ELP4: variants seen among roughly 807,000 people sequenced by gnomAD.
ELP4 encodes elongator acetyltransferase complex subunit 4, also known as elongator complex protein 4.
In ELP4, 51 loss-of-function variants were observed where a neutral mutation model predicts 48.9. The observed-to-expected ratio is 1.04, with a 90% CI of 0.83 to 1.32. The LOEUF is 1.32. ELP4 is among the 40% of genes most tolerant of loss of function. The pLI is 0.00. For synonymous variants in ELP4, 210 were observed against 189.2 expected (o/e 1.11, Z -0.90); for missense variants, 519 against 514.6 (o/e 1.01, Z -0.08).
At chr11:31,654,397 G>T (rs1051927062) in intron 9 of ELP4, 34 of 151,738 alleles carry the variant, frequency 2.2e-4, no homozygotes, top group African/African-American at 8.0e-4. Flanking sequence ...ATCATACTTT[G>T]TCCCTAATTC....
intron 9 of ELP4, among the ~76,000 whole-genome samples, chr11:31,714,408 G>A (rs1442473574): frequency 6.6e-6 from 1 of 152,102 alleles, no homozygotes; most frequent in Non-Finnish European, 1.5e-5. Flanking sequence ...ACTCTGCAGT[G>A]ATGTTTACTA....
At chr11:31,648,194 A>C in intron 8 of ELP4, 1 of 164,814 alleles carries the variant, frequency 6.1e-6, no homozygotes, top group Non-Finnish European at 1.3e-5. Flanking sequence ...ACAGTTTTCT[A>C]TAGCAGTTTA....
At position 31,783,604 on chromosome 11, in the gene ELP4, T is replaced by C; in HGVS notation, c.*80T>C. ...CTAATAGCTTATGTAAATATTTTTC[T>C]TAACAATTTGACCCTCCACTCCTTG... On this transcript the variant is annotated 3_prime_UTR_variant, in exon 10 of 10. Transcript: ENST00000640961. 3 of 1,384,900 alleles carry C rather than the reference T, an allele frequency of 2.2e-6. No individual in the cohort carries two copies. The highest frequency in any genetic ancestry group is 2.0e-6 in the Non-Finnish European group (2 of 1,023,318). 85.8% of individuals were successfully genotyped at this position (1,384,900 alleles called of 1,614,324 possible). A position where few individuals can be genotyped will look rare whatever the true frequency, so the allele number is the denominator to read the frequency against.
At chr11:31,718,041 C>T (rs1946878240) in intron 9 of ELP4, among the ~76,000 whole-genome samples, 1 of 152,250 alleles carries the variant, frequency 6.6e-6, no homozygotes, top group East Asian at 1.9e-4. Flanking sequence ...AAGAGATCCA[C>T]CTGCCTCAGC....
chr11:31,740,147 T>A (rs2134217419), intron 9 of ELP4, among the ~76,000 whole-genome samples: 1 of 152,296 alleles, frequency 6.6e-6, no homozygotes, highest in South Asian at 2.1e-4. Flanking sequence ...AGGCCTAGAG[T>A]TCGTCAGATA....
intron 7 of ELP4, among the ~76,000 whole-genome samples, chr11:31,645,145 T>A (rs916453252): frequency 6.6e-6 from 1 of 151,758 alleles, no homozygotes; most frequent in African/African-American, 2.4e-5. Flanking sequence ...TTCAATAGAC[T>A]CTTGTTTATA....
At chr11:31,581,464 A>G (rs1000615136) in intron 3 of ELP4, among the ~76,000 whole-genome samples, 3 of 152,188 alleles carry the variant, frequency 2.0e-5, no homozygotes, top group African/African-American at 2.4e-5. Flanking sequence ...TGAACATACA[A>G]TTCTAGATTA....
Position 31,737,977 on chromosome 11 carries a change from T to G in ELP4, c.1144-45416T>G, listed in dbSNP as rs550243550. ...AATTGAAACCAGGATCTTGAAGAGATATTTTACACTGCCATGTTCATAGCA... is the reference window on the plus strand; with the variant it reads ...AATTGAAACCAGGATCTTGAAGAGAGATTTTACACTGCCATGTTCATAGCA... On this transcript the variant is annotated intron_variant, in intron 9 of 9. Transcript: ENST00000640961. 2.6e-4 allele frequency among the ~76,000 whole-genome samples: 40 copies of G among 152,220 alleles called. No individual in the cohort carries two copies. The South Asian group carries it at 7.9e-3, about 30-fold the overall frequency.
At chr11:31,669,538 A>C (rs944549207) in intron 9 of ELP4, among the ~76,000 whole-genome samples, 3 of 152,120 alleles carry the variant, frequency 2.0e-5, no homozygotes, top group Admixed American at 1.3e-4. Flanking sequence ...TCCCAGAGTA[A>C]CTCATAAGTT....
At chr11:31,702,416 C>T in intron 9 of ELP4, among the ~76,000 whole-genome samples, 1 of 151,890 alleles carries the variant, frequency 6.6e-6, no homozygotes, top group East Asian at 1.9e-4. Flanking sequence ...TTAATGGATA[C>T]AGAGTTTCAA....
chr11:31,717,638 C>T (rs1946868184), intron 9 of ELP4, among the ~76,000 whole-genome samples: 1 of 151,886 alleles, frequency 6.6e-6, no homozygotes, highest in Admixed American at 6.6e-5. Context: ...CCTGTAGTCT[C>T]AGCTACTCGG....
At chr11:31,636,095 A>G (rs1159906904) in intron 7 of ELP4, among the ~76,000 whole-genome samples, 1 of 152,038 alleles carries the variant, frequency 6.6e-6, no homozygotes, top group Non-Finnish European at 1.5e-5. Context: ...TTATACACTT[A>G]TTTAACAAAT....
intron 9 of ELP4, among the ~76,000 whole-genome samples, chr11:31,755,064 G>A (rs1947805162): frequency 6.6e-6 from 1 of 152,116 alleles, no homozygotes; most frequent in Non-Finnish European, 1.5e-5. Context: ...GTGCCAAAAA[G>A]TAAGGAAACA....
At chr11:31,732,794 C>T (rs1245978311) in intron 9 of ELP4, among the ~76,000 whole-genome samples, 7 of 151,986 alleles carry the variant, frequency 4.6e-5, no homozygotes, top group Admixed American at 4.6e-4. Context: ...TACTTTTTGT[C>T]AAAAACTGAC....
intron 9 of ELP4, among the ~76,000 whole-genome samples, chr11:31,738,018 G>A (rs79629709): frequency 0.021 from 3,126 of 152,100 alleles, 102 homozygotes; most frequent in African/African-American, 0.071. Flanking sequence ...ATCCATAATA[G>A]CCAAGAGGTG....
chr11:31,635,719 G>A (rs574718309), intron 7 of ELP4, among the ~76,000 whole-genome samples: 18 of 152,018 alleles, frequency 1.2e-4, no homozygotes, highest in African/African-American at 3.4e-4. Context: ...CACATAGTAG[G>A]CATTCAATAT....
intron 9 of ELP4, among the ~76,000 whole-genome samples, chr11:31,671,854 A>G (rs143216189): frequency 9.8e-4 from 150 of 152,310 alleles, no homozygotes; most frequent in Admixed American, 2.6e-3. Context: ...TCTGCTGCAT[A>G]CAGAATTCTG....
At chr11:31,749,565 T>C (rs1947671426) in intron 9 of ELP4, among the ~76,000 whole-genome samples, 1 of 152,230 alleles carries the variant, frequency 6.6e-6, no homozygotes, top group South Asian at 2.1e-4. Flanking sequence ...CAATGATCTT[T>C]AAAACATCGA....
chr11:31,761,715 T>G (rs1947950209), intron 9 of ELP4, among the ~76,000 whole-genome samples: 1 of 152,162 alleles, frequency 6.6e-6, no homozygotes, highest in South Asian at 2.1e-4. Flanking sequence ...GCTAAACAAA[T>G]AAGAAGGAGT....
Sources: gnomAD v4.1 joint callset for allele counts (sites outside exome capture counted in the v4.1 genomes callset) on GRCh38, gnomAD v4.1.1 for gene constraint, MANE v1.5 for transcripts, NCBI Gene and HGNC (gene_info 2026-07-23, HGNC 2026-07-21) for gene names.